PITPNM3: variants seen among roughly 807,000 people sequenced by gnomAD.
PITPNM3 encodes membrane-associated phosphatidylinositol transfer protein 3.
In PITPNM3, 26 loss-of-function variants were observed where a neutral mutation model predicts 102.0. The observed-to-expected ratio is 0.25, with a 90% CI of 0.19 to 0.35. PITPNM3 has a LOEUF of 0.35. Ranked by LOEUF, PITPNM3 falls within the 10% of genes least tolerant of loss-of-function variation. PITPNM3 has a pLI of 1.00. For missense variants in PITPNM3, 1,083 were observed against 1,346.1 expected, an observed-to-expected ratio of 0.80 and a Z score of 3.06; for synonymous variants, 578 against 558.6, an observed-to-expected ratio of 1.03 and a Z score of -0.49.
chr17:6,473,832 C>T (rs1021815250), intron 10 of PITPNM3, among the ~76,000 whole-genome samples: 4 of 152,040 alleles, frequency 2.6e-5, no homozygotes, highest in Non-Finnish European at 5.9e-5. Context: ...CAAAAATTAG[C>T]TGGGCGTCAT....
intron 5 of PITPNM3, 114 bp from the exon 6 acceptor site, chr17:6,483,866 C>G: frequency 2.1e-6 from 2 of 940,790 alleles, no homozygotes; most frequent in Non-Finnish European, 3.3e-6. Context: ...CACGCACACA[C>G]GGGGAGACTG....
rs945391588 is a variant in PITPNM3, at chr17:6,470,894, A to G, written c.1624+267T>C. On this transcript the variant is annotated intron_variant, in intron 12 of 19. Transcript: ENST00000262483. This position sits in a 1 kb window ranked among gnomAD's most constrained non-coding sequence, Gnocchi z 4.8. ...GAGCTCTGATTTGAGGCAGGGTCAG[A>G]GTTCAGGGCTCTGTCCAGGGTCAGA... 1.3e-5 allele frequency among the ~76,000 whole-genome samples: 2 copies of G among 152,080 alleles called. No homozygotes were observed. Among genetic ancestry groups the G allele is most frequent in the African/African-American group, 4.8e-5 (2 of 41,398 alleles).
At chr17:6,491,430 GTT>G (rs1906476782) in intron 4 of PITPNM3, among the ~76,000 whole-genome samples, 2 of 152,274 alleles carry the variant, frequency 1.3e-5, no homozygotes, top group Admixed American at 1.3e-4. Flanking sequence ...TGTTCTGAAG[GTT>G]TTAAAACTTT....
At chr17:6,535,903 CA>C (rs201190424) in intron 2 of PITPNM3, among the ~76,000 whole-genome samples, 60 of 145,260 alleles carry the variant, frequency 4.1e-4, no homozygotes, top group African/African-American at 4.3e-4. Flanking sequence ...ACTAAAACTA[CA>C]AAAAAAAAAA....
rs564740339 is a variant in PITPNM3 at position 6,458,800 on chromosome 17, G to A, written c.2491-1078C>T. ...CTTCATCCTCCTCCCACACCTGCCCGGCCAAATCTCAGCCCTGGAAATTTT... is the reference window on the plus strand; with the variant it reads ...CTTCATCCTCCTCCCACACCTGCCCAGCCAAATCTCAGCCCTGGAAATTTT... On this transcript the variant is annotated intron_variant, in intron 18 of 19. Coordinates refer to ENST00000262483, the MANE Select transcript of PITPNM3 (RefSeq NM_031220.4). This position sits in a 1 kb window ranked among gnomAD's most constrained non-coding sequence, Gnocchi z 5.1. Among the ~76,000 whole-genome samples the A allele has an allele frequency of 5.5e-4, 84 of 151,452 alleles. 1 individual carries two copies. In the East Asian group the frequency reaches 0.011, roughly 20 times the overall value.
chr17:6,488,157 T>C (rs1036831256), intron 4 of PITPNM3, among the ~76,000 whole-genome samples: 2 of 152,178 alleles, frequency 1.3e-5, no homozygotes, highest in Non-Finnish European at 2.9e-5. Flanking sequence ...CTACCTTCCC[T>C]GTACCTTCCC....
At chr17:6,495,228 A>C (rs1386375864) in intron 4 of PITPNM3, among the ~76,000 whole-genome samples, 1 of 151,814 alleles carries the variant, frequency 6.6e-6, no homozygotes, top group Non-Finnish European at 1.5e-5. Context: ...TGTGCTACCT[A>C]CTCAAAAGAC....
Position 6,455,163 on chromosome 17 carries a change from A to C in PITPNM3, c.*175T>G. 3.7e-6 allele frequency: 3 copies of C among 816,246 alleles called. No individual in the cohort carries two copies. The allele number at this position is 816,246 out of a possible 1,614,324, so 50.6% of individuals were successfully genotyped here. A position where few individuals can be genotyped will look rare whatever the true frequency, so the allele number is the denominator to read the frequency against. The stretch of plus-strand genomic sequence containing the variant: ...CCCGGACCTCACCCCGTCGCAGCTC[A>C]GGGAGCCCCCCGGGCTCGGGCAGGA... On this transcript the variant is annotated 3_prime_UTR_variant, in exon 20 of 20. Transcript: ENST00000262483.
intron 1 of PITPNM3, among the ~76,000 whole-genome samples, chr17:6,541,415 G>A (rs80102925): frequency 0.041 from 6,167 of 151,970 alleles, 277 homozygotes; most frequent in East Asian, 0.16. Flanking sequence ...GTAAATTCCC[G>A]TATGAGCTTG....
At chr17:6,463,684 G>A (rs977842580) in intron 17 of PITPNM3, 48 bp downstream of exon 17, 26 of 1,598,400 alleles carry the variant, frequency 1.6e-5, no homozygotes, top group Non-Finnish European at 2.1e-5. Flanking sequence ...AGGGCTGCTG[G>A]CTCCTGCCCC....
chr17:6,477,953 C>T (rs749245796), intron 8 of PITPNM3, 22 bp downstream of exon 8: 24 of 1,610,154 alleles, frequency 1.5e-5, no homozygotes, highest in South Asian at 1.4e-4. Context: ...ACCCCTCCCG[C>T]GGTCCTGTCC....
In PITPNM3 at chr17:6,458,616, C is replaced by A. The variant is rs867872; in HGVS notation, c.2491-894G>T. Reference sequence around the variant, plus strand: ...TCCGCTCCGCTCAGGGCTTCTGCCCCCTCCCCACCACTTCTCCGCCAGCCC... The same window carrying A: ...TCCGCTCCGCTCAGGGCTTCTGCCCACTCCCCACCACTTCTCCGCCAGCCC... On this transcript the variant is annotated intron_variant, in intron 18 of 19. Coordinates refer to ENST00000262483, the MANE Select transcript of PITPNM3 (RefSeq NM_031220.4). This position sits in a 1 kb window ranked among gnomAD's most constrained non-coding sequence, Gnocchi z 5.1. 2.0e-5 allele frequency among the ~76,000 whole-genome samples: 3 copies of A among 151,952 alleles called. No individual in the cohort carries two copies. The highest frequency in any genetic ancestry group is 7.3e-5 in the African/African-American group (3 of 41,354).
At chr17:6,542,081 C>G (rs554967888) in intron 1 of PITPNM3, among the ~76,000 whole-genome samples, 1 of 152,312 alleles carries the variant, frequency 6.6e-6, no homozygotes, top group South Asian at 2.1e-4. Context: ...CCATTGCCCG[C>G]TCTCTTGGAA....
intron 6 of PITPNM3, among the ~76,000 whole-genome samples, chr17:6,482,032 CTCTG>C (rs1567670331): frequency 6.6e-5 from 5 of 75,506 alleles, no homozygotes; most frequent in Non-Finnish European, 1.1e-4. Context: ...CTCTCTCTCT[CTCTG>C]TCTGTCTCTC....
chr17:6,551,947 C>A (rs1910330878), intron 1 of PITPNM3, among the ~76,000 whole-genome samples: 1 of 152,142 alleles, frequency 6.6e-6, no homozygotes, highest in Admixed American at 6.5e-5. Flanking sequence ...ACTCTGGAAA[C>A]CCAGGCTCTG....
chr17:6,481,896 A>G (rs902825171), intron 6 of PITPNM3: 6 of 111,568 alleles, frequency 5.4e-5, no homozygotes, highest in African/African-American at 7.2e-5. Context: ...AGAGAGAGAG[A>G]GAGAATACAT....
intron 2 of PITPNM3, among the ~76,000 whole-genome samples, chr17:6,532,842 C>T (rs995652399): frequency 1.3e-5 from 2 of 152,042 alleles, no homozygotes; most frequent in Non-Finnish European, 2.9e-5. Context: ...GGTTGGGTCA[C>T]ATGGTAGTGA....
rs372359769 is a variant in PITPNM3, at chr17:6,461,511, C to T, written c.2352G>A (p.Arg784=). The part of the protein sequence containing the change: ...LGYMILYITG[R]PDMQKQRVVS... Reference sequence around the variant, plus strand: ...CCACCCGCTGCTTCTGCATGTCCGGCCGTCCCGTGATGTAAAGGATCATGT... The same window carrying T: ...CCACCCGCTGCTTCTGCATGTCCGGTCGTCCCGTGATGTAAAGGATCATGT... Residue 784 remains arginine, a synonymous_variant, in exon 18 of 20, where the codon CGG becomes CGA. Coordinates refer to ENST00000262483, the MANE Select transcript of PITPNM3 (RefSeq NM_031220.4). 108 of 1,614,132 alleles carry T rather than the reference C, an allele frequency of 6.7e-5. No homozygotes were observed. The highest frequency in any genetic ancestry group is 1.6e-4 in the Middle Eastern group (1 of 6,080).
At chr17:6,510,074 C>A (rs1333584832) in intron 3 of PITPNM3, among the ~76,000 whole-genome samples, 2 of 152,048 alleles carry the variant, frequency 1.3e-5, no homozygotes, top group Non-Finnish European at 2.9e-5. Flanking sequence ...TTTTATTCTA[C>A]GTCTTTCCCA....
Sources: allele counts gnomAD v4.1 joint callset (sites outside exome capture counted in the v4.1 genomes callset), GRCh38; gene constraint gnomAD v4.1.1; non-coding constraint Gnocchi (gnomAD v3.1); transcripts MANE v1.5; gene names NCBI Gene and HGNC (gene_info 2026-07-23, HGNC 2026-07-21).